CDH4: variants seen among roughly 807,000 people sequenced by gnomAD.
CDH4 encodes cadherin-4.
In CDH4, 33 loss-of-function variants were observed where a neutral mutation model predicts 86.0. The observed-to-expected ratio is 0.38, with a 90% CI of 0.29 to 0.51. CDH4 has a LOEUF of 0.51. Ranked by LOEUF, CDH4 falls within the 20% of genes least tolerant of loss-of-function variation. The pLI is 0.86. For synonymous variants in CDH4, 555 were observed against 549.4 expected, an observed-to-expected ratio of 1.01 and a Z score of -0.14; for missense variants, 1,114 against 1,307.4, an observed-to-expected ratio of 0.85 and a Z score of 2.28.
intron 4 of CDH4, among the ~76,000 whole-genome samples, chr20:61,774,390 G>T (rs921573882): frequency 6.6e-6 from 1 of 152,222 alleles, no homozygotes; most frequent in Non-Finnish European, 1.5e-5. Flanking sequence ...TGCTAGAGAC[G>T]ATGCCAATGG....
At chr20:61,646,110 C>T (rs1421333989) in intron 2 of CDH4, among the ~76,000 whole-genome samples, 1 of 152,154 alleles carries the variant, frequency 6.6e-6, no homozygotes, top group Non-Finnish European at 1.5e-5. Context: ...TGGTTTCCAC[C>T]AGGCTTGGAA....
At chr20:61,408,161 G>A (rs2085094550) in intron 2 of CDH4, among the ~76,000 whole-genome samples, 1 of 152,010 alleles carries the variant, frequency 6.6e-6, no homozygotes, top group African/African-American at 2.4e-5. Context: ...CTCTTATAAG[G>A]GTCCCTGAGA....
chr20:61,348,377 C>T (rs1229606156), intron 2 of CDH4, among the ~76,000 whole-genome samples: 2 of 152,148 alleles, frequency 1.3e-5, no homozygotes, highest in Non-Finnish European at 1.5e-5. Flanking sequence ...TTACCTCCCA[C>T]GGGGTCCCTC....
chr20:61,590,880 G>C (rs560819558), intron 2 of CDH4, among the ~76,000 whole-genome samples: 4 of 139,646 alleles, frequency 2.9e-5, no homozygotes, highest in African/African-American at 8.5e-5. Context: ...AATCTATGGG[G>C]GGGGGGGTCC....
At chr20:61,284,034 C>A (rs537713853) in intron 2 of CDH4, among the ~76,000 whole-genome samples, 1 of 151,774 alleles carries the variant, frequency 6.6e-6, no homozygotes, top group Non-Finnish European at 1.5e-5. Context: ...TGGCCGGGCG[C>A]GGTGGCTCAC....
At chr20:61,743,092 C>T (rs1246859526) in intron 2 of CDH4, among the ~76,000 whole-genome samples, 1 of 152,216 alleles carries the variant, frequency 6.6e-6, no homozygotes, top group Non-Finnish European at 1.5e-5. Context: ...GATGCCAGCT[C>T]TCTCTTGCTC....
intron 4 of CDH4, among the ~76,000 whole-genome samples, chr20:61,825,526 C>A (rs1981267011): frequency 6.6e-6 from 1 of 152,198 alleles, no homozygotes; most frequent in Non-Finnish European, 1.5e-5. Context: ...AGGCACTGTT[C>A]TCAGTGCCTC....
At chr20:61,839,607 TTG>T (rs770622211) in intron 4 of CDH4, among the ~76,000 whole-genome samples, 27 of 151,472 alleles carry the variant, frequency 1.8e-4, no homozygotes, top group African/African-American at 3.9e-4. Flanking sequence ...TGAGTGTATG[TTG>T]TGTGTTTGTG....
intron 2 of CDH4, among the ~76,000 whole-genome samples, chr20:61,722,587 G>A (rs1331963223): frequency 6.6e-6 from 1 of 152,176 alleles, no homozygotes; most frequent in Non-Finnish European, 1.5e-5. Flanking sequence ...AGAAAAACAA[G>A]CCTCTTCCAC....
chr20:61,629,680 C>T (rs2086865726), intron 2 of CDH4, among the ~76,000 whole-genome samples: 1 of 152,178 alleles, frequency 6.6e-6, no homozygotes, highest in African/African-American at 2.4e-5. Flanking sequence ...GTGGCCAGAG[C>T]CATGGAGAAG....
At chr20:61,814,798 G>A (rs535802574) in intron 4 of CDH4, among the ~76,000 whole-genome samples, 107 of 152,176 alleles carry the variant, frequency 7.0e-4, no homozygotes, top group Admixed American at 1.5e-3. Context: ...CACGGTATTC[G>A]TGGTACCATG....
chr20:61,371,072 G>A (rs753904182), intron 2 of CDH4, among the ~76,000 whole-genome samples: 2 of 152,218 alleles, frequency 1.3e-5, no homozygotes, highest in Non-Finnish European at 2.9e-5. Flanking sequence ...ATTGGCCTTG[G>A]TGTTAATGAA....
chr20:61,905,032 T>C (rs2054773631), intron 8 of CDH4, among the ~76,000 whole-genome samples: 1 of 152,172 alleles, frequency 6.6e-6, no homozygotes, highest in African/African-American at 2.4e-5. Context: ...AAGGCCCTCG[T>C]AGGAAGACAA....
At chr20:61,739,315 C>A (rs1244244300) in intron 2 of CDH4, among the ~76,000 whole-genome samples, 1 of 152,164 alleles carries the variant, frequency 6.6e-6, no homozygotes, top group Non-Finnish European at 1.5e-5. Context: ...TGATGGGAGC[C>A]CCGGACCAGC....
At chr20:61,652,952 T>TTTTA (rs1447447672) in intron 2 of CDH4, among the ~76,000 whole-genome samples, 28 of 124,398 alleles carry the variant, frequency 2.3e-4, no homozygotes, top group African/African-American at 6.5e-4. Context: ...TTTTTTTTTT[T>TTTTA]TTTATTGATC....
At chr20:61,671,131 GC>G (rs1600859444) in intron 2 of CDH4, among the ~76,000 whole-genome samples, 1 of 142,986 alleles carries the variant, frequency 7.0e-6, no homozygotes, top group East Asian at 1.9e-4. Flanking sequence ...ATGGGTGGAT[GC>G]ATGATGGTTG....
At chr20:61,616,066 T>A (rs1188120542) in intron 2 of CDH4, among the ~76,000 whole-genome samples, 3 of 152,176 alleles carry the variant, frequency 2.0e-5, no homozygotes, top group African/African-American at 4.8e-5. Context: ...CCTTGGGAAC[T>A]CAGAGTGAGC....
At chr20:61,678,957 C>T (rs562890562) in intron 2 of CDH4, among the ~76,000 whole-genome samples, 1 of 152,354 alleles carries the variant, frequency 6.6e-6, no homozygotes, top group Admixed American at 6.5e-5. Flanking sequence ...TTCATCCCTG[C>T]AGTGTCCAAG....
intron 2 of CDH4, among the ~76,000 whole-genome samples, chr20:61,496,519 C>T (rs900706246): frequency 2.0e-5 from 3 of 152,208 alleles, no homozygotes; most frequent in South Asian, 2.1e-4. Context: ...AAAGTGCAGA[C>T]GTCAGTATAC....
Sources: gnomAD v4.1 joint callset for allele counts (sites outside exome capture counted in the v4.1 genomes callset) on GRCh38, gnomAD v4.1.1 for gene constraint, MANE v1.5 for transcripts, NCBI Gene and HGNC (gene_info 2026-07-23, HGNC 2026-07-21) for gene names.